GALNTL6: variants seen among roughly 807,000 people sequenced by gnomAD.
GALNTL6 encodes the protein polypeptide N-acetylgalactosaminyltransferase-like 6.
In GALNTL6, 46 loss-of-function variants were observed where a neutral mutation model predicts 73.7. That is an observed-to-expected ratio of 0.62 (90% confidence interval 0.49 to 0.80). The LOEUF (loss-of-function observed/expected upper bound fraction) is 0.80, where lower values mean the gene tolerates loss of function less well. Among genes scored for constraint, GALNTL6 ranks in the 30% least tolerant of loss-of-function variants. GALNTL6 has a pLI of 0.00. For synonymous variants in GALNTL6, 259 were observed against 263.7 expected (o/e 0.98, Z 0.17); for missense variants, 604 against 755.0 (o/e 0.80, Z 2.34).
At chr4:173,017,721 C>T (rs1752839939) in intron 11 of GALNTL6, among the ~76,000 whole-genome samples, 1 of 152,090 alleles carries the variant, frequency 6.6e-6, no homozygotes, top group South Asian at 2.1e-4. Flanking sequence ...ACAAGCTAAC[C>T]ATCAGGCTAC....
At chr4:172,969,412 T>C (rs1750471785) in intron 10 of GALNTL6, among the ~76,000 whole-genome samples, 2 of 152,108 alleles carry the variant, frequency 1.3e-5, no homozygotes, top group Non-Finnish European at 1.5e-5. Context: ...AAAAAACAAC[T>C]AATACATAAA....
chr4:172,949,279 A>G (rs1749322320), intron 9 of GALNTL6, among the ~76,000 whole-genome samples: 1 of 152,202 alleles, frequency 6.6e-6, no homozygotes, highest in South Asian at 2.1e-4. Flanking sequence ...CCCTAACTTC[A>G]TGGCACTTAT....
chr4:172,984,528 T>C (rs898506784), intron 10 of GALNTL6, among the ~76,000 whole-genome samples: 1 of 152,144 alleles, frequency 6.6e-6, no homozygotes, highest in African/African-American at 2.4e-5. Flanking sequence ...ACCATAGCAG[T>C]GTACATTTCT....
In GALNTL6 at chr4:172,931,282, C is replaced by T. The variant is rs764942300; in HGVS notation, c.1149+14C>T. On this transcript the variant is annotated intron_variant, in intron 9 of 12. Transcript: ENST00000506823. ...AGCCTGGCAAGAGTGAGTAACTCAG[C>T]ATCAGAACAGACTGGGGTTGATATG... 8.4e-6 allele frequency: 12 copies of T among 1,431,124 alleles called. No homozygotes were observed. The highest frequency in any genetic ancestry group is 1.2e-5 in the Non-Finnish European group (12 of 1,013,030). 88.7% of individuals were successfully genotyped at this position (1,431,124 alleles called of 1,614,324 possible). A position where few individuals can be genotyped will look rare whatever the true frequency, so the allele number is the denominator to read the frequency against.
intron 2 of GALNTL6, among the ~76,000 whole-genome samples, chr4:172,214,256 G>C (rs1174494886): frequency 6.6e-6 from 1 of 152,116 alleles, no homozygotes; most frequent in Non-Finnish European, 1.5e-5. Context: ...CTTTTCTTCA[G>C]TATTGTGTTA....
intron 2 of GALNTL6, among the ~76,000 whole-genome samples, chr4:172,175,708 A>G (rs1220533764): frequency 6.6e-6 from 1 of 152,162 alleles, no homozygotes; most frequent in African/African-American, 2.4e-5. Flanking sequence ...AATATTTTTC[A>G]GTGGTTATAC....
chr4:172,262,359 T>A (rs1040584909), intron 3 of GALNTL6, among the ~76,000 whole-genome samples: 21 of 147,014 alleles, frequency 1.4e-4, no homozygotes, highest in Non-Finnish European at 2.0e-4. Context: ...TTTGAATTAC[T>A]TTTTTTTATC....
chr4:171,886,027 T>A (rs946918344), intron 2 of GALNTL6, among the ~76,000 whole-genome samples: 2 of 151,796 alleles, frequency 1.3e-5, no homozygotes, highest in African/African-American at 4.8e-5. Context: ...CCAGAAAAAA[T>A]TGTAGAGATT....
intron 10 of GALNTL6, among the ~76,000 whole-genome samples, chr4:172,997,548 C>G (rs529244215): frequency 2.4e-4 from 36 of 151,106 alleles, no homozygotes; most frequent in Admixed American, 5.2e-4. Flanking sequence ...ATATGAATTT[C>G]TCTCTGTGTC....
chr4:172,298,815 G>A lies in GALNTL6; in HGVS notation c.248-12799G>A, dbSNP rs1473924399. Among the ~76,000 whole-genome samples, 3 of 152,236 alleles carry A rather than the reference G, an allele frequency of 2.0e-5. No individual in the cohort carries two copies. The East Asian group carries it at 5.8e-4, about 29-fold the overall frequency. On this transcript the variant is annotated intron_variant, in intron 3 of 12. Transcript: ENST00000506823. ...TGCATCGATGTTCATGAGGGATATT[G>A]GTCTAAAATTCTCTTTTTTTGTTGT...
At chr4:171,920,820 A>G (rs975941317) in intron 2 of GALNTL6, among the ~76,000 whole-genome samples, 1 of 152,174 alleles carries the variant, frequency 6.6e-6, no homozygotes, top group Non-Finnish European at 1.5e-5. Context: ...AACAGTGTAC[A>G]CATATGAAAA....
At chr4:172,468,170 G>T (rs1437740396) in intron 5 of GALNTL6, among the ~76,000 whole-genome samples, 1 of 151,936 alleles carries the variant, frequency 6.6e-6, no homozygotes, top group Non-Finnish European at 1.5e-5. Flanking sequence ...GGGATTACAG[G>T]CATGAGCCAC....
At chr4:172,082,035 C>A (rs1462999961) in intron 2 of GALNTL6, among the ~76,000 whole-genome samples, 1 of 151,952 alleles carries the variant, frequency 6.6e-6, no homozygotes, top group Admixed American at 6.6e-5. Context: ...CATCAAATTG[C>A]CCCGCTAATT....
chr4:171,854,462 T>C (rs564240647), intron 2 of GALNTL6, among the ~76,000 whole-genome samples: 1 of 152,344 alleles, frequency 6.6e-6, no homozygotes, highest in South Asian at 2.1e-4. Context: ...AGGTATCTGC[T>C]ATTTGCTTGT....
chr4:171,828,575 A>T (rs1383991625), intron 2 of GALNTL6, among the ~76,000 whole-genome samples: 1 of 152,158 alleles, frequency 6.6e-6, no homozygotes, highest in Non-Finnish European at 1.5e-5. Context: ...ATTGATAAAC[A>T]CAATGCAGTA....
At chr4:172,136,567 T>C (rs1256727473) in intron 2 of GALNTL6, among the ~76,000 whole-genome samples, 1 of 152,038 alleles carries the variant, frequency 6.6e-6, no homozygotes, top group East Asian at 1.9e-4. Context: ...ATGTTTAAAA[T>C]GTGTTTGTTT....
intron 2 of GALNTL6, among the ~76,000 whole-genome samples, chr4:172,228,112 C>T (rs983956736): frequency 6.6e-6 from 1 of 152,030 alleles, no homozygotes. Flanking sequence ...TCAAAAATTT[C>T]TAATTATAAG....
chr4:172,949,619 A>AT (rs1749339302), intron 9 of GALNTL6, among the ~76,000 whole-genome samples: 1 of 152,172 alleles, frequency 6.6e-6, no homozygotes, highest in East Asian at 1.9e-4. Flanking sequence ...TCATTAAAAA[A>AT]TTTGGCCTAG....
intron 5 of GALNTL6, among the ~76,000 whole-genome samples, chr4:172,558,931 C>T (rs1361893692): frequency 6.6e-6 from 1 of 151,940 alleles, no homozygotes. Context: ...CCCTCTGGTG[C>T]CATTTGTTTA....
Sources: allele counts gnomAD v4.1 joint callset (sites outside exome capture counted in the v4.1 genomes callset), GRCh38; gene constraint gnomAD v4.1.1; transcripts MANE v1.5; gene names NCBI Gene and HGNC (gene_info 2026-07-23, HGNC 2026-07-21).